Variants in PUM2 observed in about 807,000 individuals in gnomAD.
The protein encoded by PUM2 is pumilio RNA binding family member 2.
PUM2 carries 57 observed loss-of-function variants against 124.5 expected under a neutral mutation model. The ratio of observed to expected loss-of-function variants is 0.46; its 90% CI spans 0.37 to 0.57. The LOEUF (loss-of-function observed/expected upper bound fraction) is 0.57. PUM2 is among the 20% of genes least tolerant of loss of function. The pLI, the probability that PUM2 is intolerant of heterozygous loss-of-function variation, is 0.00. For synonymous variants in PUM2, 460 were observed against 446.1 expected (o/e 1.03, Z -0.39); for missense variants, 1,065 against 1,290.6 (o/e 0.83, Z 2.68).
At chr2:20,261,816 T>C (rs1023337840) in intron 14 of PUM2, among the ~76,000 whole-genome samples, 4 of 152,214 alleles carry the variant, frequency 2.6e-5, no homozygotes, top group South Asian at 2.1e-4. Flanking sequence ...AGCTGTACAA[T>C]GTGTTTCTGT....
intron 1 of PUM2, among the ~76,000 whole-genome samples, chr2:20,345,673 A>C (rs1688111794): frequency 6.6e-6 from 1 of 151,748 alleles, no homozygotes; most frequent in Admixed American, 6.6e-5. Context: ...CAGGAGTTCA[A>C]GACCAGCCTG....
At chr2:20,340,002 C>T (rs1486433719) in intron 1 of PUM2, among the ~76,000 whole-genome samples, 5 of 149,778 alleles carry the variant, frequency 3.3e-5, no homozygotes, top group Non-Finnish European at 5.9e-5. Context: ...AAAAAAAAAA[C>T]GGCCAACTAA....
chr2:20,292,931 A>C (rs183895017), intron 9 of PUM2, among the ~76,000 whole-genome samples: 2,008 of 152,228 alleles, frequency 0.013, 32 homozygotes, highest in African/African-American at 0.035. Context: ...CCATCTCAAA[A>C]AAAACAAAAC....
chr2:20,275,469 G>A (rs1466525832), intron 13 of PUM2, among the ~76,000 whole-genome samples: 1 of 151,882 alleles, frequency 6.6e-6, no homozygotes, highest in Admixed American at 6.6e-5. Flanking sequence ...CTTCTTTATA[G>A]AAAAGTTCCA....
chr2:20,272,319 C>CT (rs1669242982), intron 13 of PUM2, among the ~76,000 whole-genome samples: 1 of 152,148 alleles, frequency 6.6e-6, no homozygotes, highest in Non-Finnish European at 1.5e-5. Context: ...CACGTAATTT[C>CT]TTTGAGAATA....
At chr2:20,291,973 G>C (rs1231975555) in intron 9 of PUM2, among the ~76,000 whole-genome samples, 8 of 151,340 alleles carry the variant, frequency 5.3e-5, no homozygotes, top group Non-Finnish European at 8.8e-5. Flanking sequence ...TCTTTCTCCA[G>C]TGGCATCCAA....
At chr2:20,277,009 C>A (rs1670421693) in intron 13 of PUM2, among the ~76,000 whole-genome samples, 1 of 152,038 alleles carries the variant, frequency 6.6e-6, no homozygotes, top group Non-Finnish European at 1.5e-5. Context: ...ATCTAGATTG[C>A]TGTTCAATCA....
chr2:20,304,306 C>T (rs1340498231), intron 7 of PUM2, among the ~76,000 whole-genome samples: 1 of 152,188 alleles, frequency 6.6e-6, no homozygotes, highest in Non-Finnish European at 1.5e-5. Context: ...ACTCTCCAAC[C>T]AACTACATAA....
chr2:20,309,420 T>C (rs1036784189), intron 5 of PUM2, among the ~76,000 whole-genome samples: 4 of 151,566 alleles, frequency 2.6e-5, no homozygotes, highest in African/African-American at 9.7e-5. Context: ...GAAAAGGATC[T>C]TTCTACATTA....
Position 20,350,601 on chromosome 2 carries a change from C to T in PUM2, c.-23G>A. The T allele has an allele frequency of 1.0e-6, 1 of 985,498 alleles. No homozygotes were observed. Among genetic ancestry groups the T allele is most frequent in the Non-Finnish European group, 1.2e-6 (1 of 829,998 alleles). The allele number at this position is 985,498 out of a possible 1,614,324, so 61.0% of individuals were successfully genotyped here. A position where few individuals can be genotyped will look rare whatever the true frequency, so the allele number is the denominator to read the frequency against. ...AGCGAACGCGGACTGACTTACAGGGCTGCTGCGGCCGCGCTGCCTCAGCCG... is the reference window on the plus strand; with the variant it reads ...AGCGAACGCGGACTGACTTACAGGGTTGCTGCGGCCGCGCTGCCTCAGCCG... On this transcript the variant is annotated 5_prime_UTR_variant, in exon 1 of 21. Transcript: ENST00000361078.
At chr2:20,294,581 C>T (rs1052720069) in intron 8 of PUM2, 63 bp from the exon 9 acceptor site, 15 of 1,492,376 alleles carry the variant, frequency 1.0e-5, no homozygotes, top group Non-Finnish European at 1.3e-5. Flanking sequence ...ATGAGGTTAG[C>T]TACCTATCAT....
intron 13 of PUM2, 42 bp from the exon 14 acceptor site, chr2:20,263,502 G>C: frequency 6.5e-7 from 1 of 1,542,980 alleles, no homozygotes; most frequent in South Asian, 1.2e-5. Context: ...TTTTGACAAA[G>C]TTATTCCTCA....
intron 13 of PUM2, among the ~76,000 whole-genome samples, chr2:20,275,932 TAA>T (rs1670126178): frequency 6.6e-6 from 1 of 152,116 alleles, no homozygotes; most frequent in African/African-American, 2.4e-5. Context: ...GAACAATTGT[TAA>T]AGACATTTAA....
At chr2:20,348,709 C>G (rs1244497526) in intron 1 of PUM2, among the ~76,000 whole-genome samples, 1 of 152,072 alleles carries the variant, frequency 6.6e-6, no homozygotes, top group Admixed American at 6.5e-5. Flanking sequence ...GCGGGAGGAT[C>G]GCTTGAGATC....
At chr2:20,293,081 T>C (rs1674611726) in intron 9 of PUM2, among the ~76,000 whole-genome samples, 3 of 152,196 alleles carry the variant, frequency 2.0e-5, no homozygotes, top group African/African-American at 7.2e-5. Flanking sequence ...AAAAGCTGCT[T>C]TTAAACATAT....
intron 1 of PUM2, among the ~76,000 whole-genome samples, chr2:20,347,328 C>T (rs2149161179): frequency 6.6e-6 from 1 of 152,176 alleles, no homozygotes; most frequent in Admixed American, 6.5e-5. Context: ...TTAGGCGTGT[C>T]TTGATTTTTC....
intron 7 of PUM2, among the ~76,000 whole-genome samples, chr2:20,304,852 T>C (rs553755723): frequency 3.7e-4 from 57 of 152,344 alleles, no homozygotes; most frequent in Non-Finnish European, 6.6e-4. Context: ...AAATAAAATA[T>C]TCAAATTAAT....
chr2:20,265,909 C>T (rs981328951), intron 13 of PUM2, among the ~76,000 whole-genome samples: 2 of 152,258 alleles, frequency 1.3e-5, no homozygotes, highest in East Asian at 1.9e-4. Context: ...ATTCAAAATA[C>T]GTACTCACCC....
In PUM2 at chr2:20,249,062, G is replaced by A. The variant is rs899270401; in HGVS notation, c.*2523C>T. ...GTACTTTTGTAGAGCAGGCCTGAAA[G>A]TATTGGGAAGATTGGGTTGTCAGCA... is the stretch of plus-strand genomic sequence containing the variant. On this transcript the variant is annotated 3_prime_UTR_variant, in exon 21 of 21. Transcript: ENST00000361078. 6.6e-6 allele frequency: 1 copy of A among 152,234 alleles called. No individual in the cohort carries two copies. 9.4% of individuals were successfully genotyped at this position (152,234 alleles called of 1,614,324 possible). A position where few individuals can be genotyped will look rare whatever the true frequency, so the allele number is the denominator to read the frequency against.
Sources: gnomAD v4.1 joint callset for allele counts (sites outside exome capture counted in the v4.1 genomes callset) on GRCh38, gnomAD v4.1.1 for gene constraint, MANE v1.5 for transcripts, NCBI Gene and HGNC (gene_info 2026-07-23, HGNC 2026-07-21) for gene names.